THSD7A: variants seen among roughly 807,000 people sequenced by gnomAD.
THSD7A encodes thrombospondin type-1 domain-containing protein 7A.
THSD7A carries 96 observed loss-of-function variants against 231.3 expected under a neutral mutation model. The observed-to-expected ratio is 0.41, with a 90% confidence interval of 0.35 to 0.49. The LOEUF (loss-of-function observed/expected upper bound fraction) is 0.49, where lower values mean the gene tolerates loss of function less well. THSD7A is among the 20% of genes least tolerant of loss of function. The pLI is 0.05. For synonymous variants in THSD7A, 940 were observed against 743.3 expected (o/e 1.26, Z -4.30); for missense variants, 2,290 against 2,070.2 (o/e 1.11, Z -2.06).
intron 4 of THSD7A, among the ~76,000 whole-genome samples, chr7:11,549,080 G>A (rs1270905499): frequency 1.3e-5 from 2 of 151,964 alleles, no homozygotes; most frequent in African/African-American, 4.8e-5. Context: ...TAAAAAGTGG[G>A]AAAGGGCATG....
At chr7:11,522,241 A>G (rs1226696086) in intron 6 of THSD7A, among the ~76,000 whole-genome samples, 1 of 152,136 alleles carries the variant, frequency 6.6e-6, no homozygotes, top group East Asian at 1.9e-4. Flanking sequence ...TTAGAAGCCT[A>G]AGAGTCAGAG....
intron 13 of THSD7A, among the ~76,000 whole-genome samples, chr7:11,442,222 C>T (rs2128293399): frequency 6.6e-6 from 1 of 152,030 alleles, no homozygotes; most frequent in African/African-American, 2.4e-5. Context: ...AGTTATATCA[C>T]TTTTCAGCAC....
chr7:11,571,367 T>C (rs62434506), intron 4 of THSD7A, among the ~76,000 whole-genome samples: 2,945 of 152,304 alleles, frequency 0.019, 102 homozygotes, highest in East Asian at 0.041. Flanking sequence ...GTGGGCATGT[T>C]TTCCCCTGTT....
intron 1 of THSD7A, chr7:11,821,131 C>G (rs1784861139): frequency 9.3e-7 from 1 of 1,076,944 alleles, no homozygotes; most frequent in South Asian, 1.3e-5. Flanking sequence ...CTCAGTTCCT[C>G]TATTTAGGTA....
chr7:11,806,241 T>C (rs17165231), intron 1 of THSD7A, among the ~76,000 whole-genome samples: 11,742 of 152,258 alleles, frequency 0.077, 485 homozygotes, highest in South Asian at 0.12. Context: ...TTTTAAAACA[T>C]TGATTTTTCA....
intron 4 of THSD7A, among the ~76,000 whole-genome samples, chr7:11,570,888 A>G (rs1790598150): frequency 6.6e-6 from 1 of 152,188 alleles, no homozygotes; most frequent in Non-Finnish European, 1.5e-5. Flanking sequence ...GGATATTTAG[A>G]GGTAGATCCA....
At chr7:11,601,336 G>A (rs1170083573) in intron 2 of THSD7A, among the ~76,000 whole-genome samples, 2 of 152,120 alleles carry the variant, frequency 1.3e-5, no homozygotes, top group Non-Finnish European at 2.9e-5. Context: ...AAAGAAGAAT[G>A]ACAACTTGTT....
intron 1 of THSD7A, among the ~76,000 whole-genome samples, chr7:11,714,229 T>G (rs1781059110): frequency 6.6e-6 from 1 of 151,184 alleles, no homozygotes; most frequent in African/African-American, 2.4e-5. Flanking sequence ...TGTTTAAAAG[T>G]ATGTGCTATG....
chr7:11,603,528 G>C (rs1780625863), intron 2 of THSD7A, among the ~76,000 whole-genome samples: 1 of 151,740 alleles, frequency 6.6e-6, no homozygotes, highest in Non-Finnish European at 1.5e-5. Context: ...CCATTACTGG[G>C]TATATACCCA....
intron 1 of THSD7A, among the ~76,000 whole-genome samples, chr7:11,781,245 T>C (rs1477991971): frequency 1.3e-5 from 2 of 151,394 alleles, no homozygotes; most frequent in Non-Finnish European, 1.5e-5. Context: ...AAGCCGGGTG[T>C]TCAAGACCTG....
chr7:11,507,927 A>C (rs749099751), intron 6 of THSD7A, among the ~76,000 whole-genome samples: 3 of 152,218 alleles, frequency 2.0e-5, no homozygotes, highest in Non-Finnish European at 4.4e-5. Context: ...CAAAGGAAAG[A>C]GGTTTAATTG....
At chr7:11,639,289 A>C (rs913304806) in intron 1 of THSD7A, among the ~76,000 whole-genome samples, 12 of 152,204 alleles carry the variant, frequency 7.9e-5, no homozygotes, top group African/African-American at 2.4e-4. Flanking sequence ...CTCAGAGTGT[A>C]AACAAATGAT....
At chr7:11,650,023 C>A (rs1337463659) in intron 1 of THSD7A, among the ~76,000 whole-genome samples, 1 of 151,984 alleles carries the variant, frequency 6.6e-6, no homozygotes, top group Non-Finnish European at 1.5e-5. Context: ...GCTGTATATT[C>A]GCTATTAAAA....
chr7:11,612,250 G>C (rs1277993238), intron 2 of THSD7A, among the ~76,000 whole-genome samples: 2 of 152,042 alleles, frequency 1.3e-5, no homozygotes, highest in African/African-American at 4.8e-5. Context: ...AGGCATCCCA[G>C]GGCACAGCAA....
intron 1 of THSD7A, among the ~76,000 whole-genome samples, chr7:11,815,993 C>T (rs753453513): frequency 7.9e-5 from 12 of 152,092 alleles, no homozygotes; most frequent in Non-Finnish European, 1.6e-4. Context: ...TATAGCCTTT[C>T]TCCATTGTGT....
At chr7:11,410,073 T>G (rs955236564) in intron 19 of THSD7A, among the ~76,000 whole-genome samples, 4 of 152,166 alleles carry the variant, frequency 2.6e-5, no homozygotes, top group African/African-American at 9.7e-5. Flanking sequence ...AATGGTTATA[T>G]TGCTTCAATG....
In THSD7A at chr7:11,725,656, G is replaced by A. The variant is rs530012020; in HGVS notation, c.191-88695C>T. Among the ~76,000 whole-genome samples the A allele has an allele frequency of 2.0e-4, 31 of 151,982 alleles. No individual in the cohort carries two copies. In the South Asian group the frequency reaches 6.2e-3, roughly 31 times the overall value. Reference sequence around the variant, plus strand: ...ATGTATTTTAAATAGACTTATATTGGTATATGTTAAGATGTTAATGGTATC... The same window carrying A: ...ATGTATTTTAAATAGACTTATATTGATATATGTTAAGATGTTAATGGTATC... On this transcript the variant is annotated intron_variant, in intron 1 of 27. Transcript: ENST00000423059.
intron 1 of THSD7A, among the ~76,000 whole-genome samples, chr7:11,645,059 A>G (rs1452703757): frequency 6.6e-6 from 1 of 152,012 alleles, no homozygotes; most frequent in African/African-American, 2.4e-5. Flanking sequence ...TGATTTTTCA[A>G]AGAAACATGT....
intron 6 of THSD7A, among the ~76,000 whole-genome samples, chr7:11,508,904 A>C (rs1470618685): frequency 6.6e-6 from 1 of 152,226 alleles, no homozygotes; most frequent in Non-Finnish European, 1.5e-5. Context: ...AATTCATAGA[A>C]TCAAAGAGTA....
Sources: allele counts gnomAD v4.1 joint callset (sites outside exome capture counted in the v4.1 genomes callset), GRCh38; gene constraint gnomAD v4.1.1; transcripts MANE v1.5; gene names NCBI Gene and HGNC (gene_info 2026-07-23, HGNC 2026-07-21).